SPG21: variants seen among roughly 807,000 people sequenced by gnomAD.
SPG21 encodes the protein SPG21 abhydrolase domain containing, maspardin.
SPG21 carries 26 observed loss-of-function variants against 38.9 expected under a neutral mutation model. The ratio of observed to expected loss-of-function variants is 0.67; its 90% CI spans 0.49 to 0.93. SPG21 has a LOEUF of 0.93. SPG21 is among the 40% of genes least tolerant of loss of function. The pLI, the probability that SPG21 is intolerant of heterozygous loss-of-function variation, is 0.00. For synonymous variants in SPG21, 136 were observed against 128.9 expected (o/e 1.05, Z -0.37); for missense variants, 333 against 376.5 (o/e 0.88, Z 0.96).
At chr15:64,968,381 C>CATGT (rs2140413492) in intron 7 of SPG21, among the ~76,000 whole-genome samples, 1 of 147,126 alleles carries the variant, frequency 6.8e-6, no homozygotes, top group African/African-American at 2.5e-5. Context: ...CATTCTGACA[C>CATGT]ATGTATAACA....
chr15:64,964,612 GTGTT>G (rs1370389149), intron 8 of SPG21, among the ~76,000 whole-genome samples: 1 of 151,572 alleles, frequency 6.6e-6, no homozygotes, highest in African/African-American at 2.4e-5. Context: ...TGAAGGGATG[GTGTT>G]TGTTAGGGCT....
chr15:64,968,340 C>CAAAAAAAAAAA (rs11305475), intron 7 of SPG21, among the ~76,000 whole-genome samples: 2 of 109,702 alleles, frequency 1.8e-5, no homozygotes, highest in East Asian at 2.6e-4. Flanking sequence ...ACCCTGTTTC[C>CAAAAAAAAAAA]AAAAAAAAAA....
chr15:64,985,730 T>C lies in SPG21; in HGVS notation c.-24-2137A>G, dbSNP rs1417907492. Among the ~76,000 whole-genome samples the C allele has an allele frequency of 2.0e-5, 3 of 152,156 alleles. No homozygotes were observed. The East Asian group carries it at 5.8e-4, about 29-fold the overall frequency. On this transcript the variant is annotated intron_variant, in intron 1 of 8. Coordinates refer to ENST00000204566, the MANE Select transcript of SPG21 (RefSeq NM_016630.7). ...TGGACTGGCAAGGAACAGGGGATTC[T>C]AAACTCAATGGAACTCTTCCTTGGT...
chr15:64,964,636 TTTC>T (rs952395824), intron 8 of SPG21, among the ~76,000 whole-genome samples: 3 of 136,594 alleles, frequency 2.2e-5, no homozygotes, highest in African/African-American at 1.1e-4. Flanking sequence ...TTTCTTTTCT[TTTC>T]TTTTTTTTTG....
intron 8 of SPG21, among the ~76,000 whole-genome samples, chr15:64,964,591 T>G (rs1799500811): frequency 6.6e-6 from 1 of 152,110 alleles, no homozygotes; most frequent in Non-Finnish European, 1.5e-5. Flanking sequence ...ATTATCCATT[T>G]AGTTAGAGTA....
intron 7 of SPG21, among the ~76,000 whole-genome samples, chr15:64,966,724 C>A (rs1215047157): frequency 2.0e-5 from 3 of 152,146 alleles, no homozygotes; most frequent in Middle Eastern, 3.4e-3. Flanking sequence ...ATGGTGAAAC[C>A]CTGCCTCTAC....
intron 5 of SPG21, among the ~76,000 whole-genome samples, chr15:64,971,713 G>A (rs933540832): frequency 1.3e-5 from 2 of 152,060 alleles, no homozygotes; most frequent in Non-Finnish European, 2.9e-5. Context: ...GCCAGCGCCT[G>A]TAATCCCAGC....
chr15:64,980,426 C>T (rs2085859151), intron 3 of SPG21, among the ~76,000 whole-genome samples: 1 of 152,084 alleles, frequency 6.6e-6, no homozygotes, highest in African/African-American at 2.4e-5. Context: ...AATAAGCAAA[C>T]AGTATCTTTC....
In SPG21 at chr15:64,969,369, G is replaced by T. The variant is rs1435418835; in HGVS notation, c.562-7C>A. The T allele has an allele frequency of 1.4e-5, 22 of 1,583,512 alleles. No homozygotes were observed. The highest frequency in any genetic ancestry group is 6.7e-5 in the East Asian group (3 of 44,706). On this transcript the variant is annotated splice_polypyrimidine_tract_variant and splice_region_variant and intron_variant, in intron 6 of 8. Coordinates refer to ENST00000204566, the MANE Select transcript of SPG21 (RefSeq NM_016630.7). ...TCTGACCCAAACTTTCTAGCTGCAG[G>T]AAGAAACACAGGTAAAGTTTTTGAA...
At chr15:64,979,120 T>C (rs1408803231) in intron 3 of SPG21, among the ~76,000 whole-genome samples, 4 of 152,302 alleles carry the variant, frequency 2.6e-5, no homozygotes, top group Non-Finnish European at 5.9e-5. Context: ...TTGAAGACAC[T>C]GTTGACCTTT....
At chr15:64,975,758 T>C (rs1055380858) in intron 4 of SPG21, among the ~76,000 whole-genome samples, 8 of 152,152 alleles carry the variant, frequency 5.3e-5, no homozygotes, top group Non-Finnish European at 1.2e-4. Context: ...GGCATATTTA[T>C]AAAAATATGA....
chr15:64,984,350 G>GT lies in SPG21; in HGVS notation c.-24-758dup, dbSNP rs1486666672. Among the ~76,000 whole-genome samples the GT allele has an allele frequency of 2.9e-5, 4 of 139,406 alleles. No homozygotes were observed. In the East Asian group the frequency reaches 5.8e-4, roughly 20 times the overall value. 91.5% of individuals were successfully genotyped at this position (139,406 alleles called of 152,430 possible). On this transcript the variant is annotated intron_variant, in intron 1 of 8. Coordinates refer to ENST00000204566, the MANE Select transcript of SPG21 (RefSeq NM_016630.7). ...GTCCACGCTAGAGAAAGGAGTTGAT[G>GT]TTTTTTTACTTTTTTAATTTTTGAG...
intron 6 of SPG21, 98 bp downstream of exon 6, chr15:64,970,014 CCT>C: frequency 1.0e-6 from 1 of 996,924 alleles, no homozygotes; most frequent in Non-Finnish European, 1.6e-6. Flanking sequence ...TTAGCAAATA[CCT>C]CTTACACATA....
At chr15:64,966,985 ATTTT>A (rs111640564) in intron 7 of SPG21, among the ~76,000 whole-genome samples, 2 of 151,662 alleles carry the variant, frequency 1.3e-5, no homozygotes, top group African/African-American at 4.8e-5. Context: ...TAATCATATG[ATTTT>A]TTTTTAAGTA....
intron 3 of SPG21, among the ~76,000 whole-genome samples, chr15:64,976,978 T>C (rs559663028): frequency 1.8e-4 from 27 of 152,264 alleles, no homozygotes; most frequent in Non-Finnish European, 3.5e-4. Flanking sequence ...CCTCTCTTTT[T>C]GGTAGCATTT....
intron 7 of SPG21, among the ~76,000 whole-genome samples, chr15:64,967,480 T>TC (rs2085564221): frequency 6.6e-6 from 1 of 150,746 alleles, no homozygotes; most frequent in Non-Finnish European, 1.5e-5. Context: ...CTTTTTTTTT[T>TC]TTTCTTTTTT....
At chr15:64,966,853 C>G (rs760366457) in intron 7 of SPG21, among the ~76,000 whole-genome samples, 1 of 152,040 alleles carries the variant, frequency 6.6e-6, no homozygotes, top group East Asian at 1.9e-4. Context: ...GAGCCAAGAT[C>G]GCGCCACTGC....
chr15:64,969,648 C>G (rs773014027), intron 6 of SPG21, among the ~76,000 whole-genome samples: 2 of 151,908 alleles, frequency 1.3e-5, no homozygotes, highest in African/African-American at 2.4e-5. Context: ...GGGCAGCAAG[C>G]CAATTCCTAC....
At chr15:64,983,449 C>A in intron 2 of SPG21, 58 bp downstream of exon 2, 1 of 1,216,816 alleles carries the variant, frequency 8.2e-7, no homozygotes, top group South Asian at 1.3e-5. Flanking sequence ...ACATCTAAAT[C>A]ACACACAAAA....
Sources: allele counts gnomAD v4.1 joint callset (sites outside exome capture counted in the v4.1 genomes callset), GRCh38; gene constraint gnomAD v4.1.1; transcripts MANE v1.5; gene names NCBI Gene and HGNC (gene_info 2026-07-23, HGNC 2026-07-21).